NRG3: variants seen among roughly 807,000 people sequenced by gnomAD.
NRG3 encodes the protein neuregulin 3.
In NRG3, 31 loss-of-function variants were observed where a neutral mutation model predicts 66.9. That is an observed-to-expected ratio of 0.46 (90% CI 0.35 to 0.63). The LOEUF (loss-of-function observed/expected upper bound fraction) is 0.63, where lower values mean the gene tolerates loss of function less well. Among genes scored for constraint, NRG3 ranks in the 20% least tolerant of loss-of-function variants. NRG3 has a pLI of 0.00. For missense variants in NRG3, 910 were observed against 878.9 expected (o/e 1.04, Z -0.45); for synonymous variants, 393 against 359.4 (o/e 1.09, Z -1.06).
At chr10:82,723,996 AT>A (rs1370531691) in intron 2 of NRG3, among the ~76,000 whole-genome samples, 1 of 150,272 alleles carries the variant, frequency 6.7e-6, no homozygotes, top group African/African-American at 2.5e-5. Context: ...AAGTAAATAA[AT>A]AAAAAAAATT....
chr10:82,056,373 A>G (rs1415445116), intron 1 of NRG3, among the ~76,000 whole-genome samples: 5 of 152,192 alleles, frequency 3.3e-5, no homozygotes, highest in Non-Finnish European at 7.4e-5. Flanking sequence ...AAGGAATGCC[A>G]TAGGCTCACT....
chr10:82,269,877 A>C (rs1042599239), intron 1 of NRG3, among the ~76,000 whole-genome samples: 23 of 152,098 alleles, frequency 1.5e-4, no homozygotes, highest in African/African-American at 5.1e-4. Context: ...GATTTCCTGC[A>C]CAAGTCTGGA....
At chr10:82,489,224 T>C (rs1490257653) in intron 2 of NRG3, among the ~76,000 whole-genome samples, 1 of 152,220 alleles carries the variant, frequency 6.6e-6, no homozygotes, top group Non-Finnish European at 1.5e-5. Flanking sequence ...TTAATAATAC[T>C]ATTCAGTTCC....
chr10:82,342,879 C>T (rs2082757506), intron 1 of NRG3, among the ~76,000 whole-genome samples: 1 of 151,990 alleles, frequency 6.6e-6, no homozygotes, highest in Non-Finnish European at 1.5e-5. Context: ...AGGTTTTCTT[C>T]AAGGATTTTT....
At chr10:82,681,741 G>T (rs1365442046) in intron 2 of NRG3, among the ~76,000 whole-genome samples, 1 of 152,240 alleles carries the variant, frequency 6.6e-6, no homozygotes, top group Admixed American at 6.5e-5. Context: ...CTGAGTGACT[G>T]TGATGGACAT....
chr10:82,202,922 G>T (rs1297878992), intron 1 of NRG3, among the ~76,000 whole-genome samples: 1 of 152,190 alleles, frequency 6.6e-6, no homozygotes, highest in Non-Finnish European at 1.5e-5. Flanking sequence ...TAGCAAAAAA[G>T]CACATTTGTG....
chr10:82,557,450 CTT>C (rs1310631678), intron 2 of NRG3, among the ~76,000 whole-genome samples: 1 of 151,706 alleles, frequency 6.6e-6, no homozygotes, highest in Non-Finnish European at 1.5e-5. Flanking sequence ...TGAGAAGTGT[CTT>C]TTCATATCCT....
At chr10:81,917,591 C>T (rs148790016) in intron 1 of NRG3, among the ~76,000 whole-genome samples, 11 of 152,294 alleles carry the variant, frequency 7.2e-5, no homozygotes, top group African/African-American at 2.6e-4. Context: ...AACCCTTTGA[C>T]TATGGCAATA....
At chr10:82,709,686 G>A (rs974994768) in intron 2 of NRG3, among the ~76,000 whole-genome samples, 22 of 152,028 alleles carry the variant, frequency 1.4e-4, no homozygotes, top group African/African-American at 5.3e-4. Flanking sequence ...TTTTCTTTGG[G>A]ATGGATGAGC....
At chr10:82,923,961 G>C (rs1323890658) in intron 4 of NRG3, among the ~76,000 whole-genome samples, 3 of 151,846 alleles carry the variant, frequency 2.0e-5, no homozygotes, top group African/African-American at 7.3e-5. Context: ...AGCTGGGCAT[G>C]GTGGCAGGCA....
At chr10:82,765,733 A>T (rs1170141995) in intron 3 of NRG3, among the ~76,000 whole-genome samples, 1 of 152,184 alleles carries the variant, frequency 6.6e-6, no homozygotes, top group Non-Finnish European at 1.5e-5. Flanking sequence ...ATCCAAAATG[A>T]TAATAATGTG....
In NRG3 at chr10:81,877,939, T is replaced by A. The variant is rs1884280; in HGVS notation, c.823+1776T>A. 55 of 1,537,532 alleles carry A rather than the reference T, an allele frequency of 3.6e-5. 1 individual carries two copies. The South Asian group carries it at 6.3e-4, about 18-fold the overall frequency. The stretch of plus-strand genomic sequence containing the variant: ...AAGACCCCAGATTTTTGATCTGCTC[T>A]TTTGATGCAGTTGATAGAATAATGG... On this transcript the variant is annotated intron_variant, in intron 1 of 8. Transcript: ENST00000372141.
rs76508200 is a variant in NRG3, at chr10:82,120,851, A to G, written c.824-237888A>G. ...ATGCTTCCCACAGCTCCTTCTCTGC[A>G]TACGGGGAGTCTCATTACTGCCTGT... On this transcript the variant is annotated intron_variant, in intron 1 of 8. Coordinates refer to ENST00000372141, the MANE Select transcript of NRG3 (RefSeq NM_001010848.4). Among the ~76,000 whole-genome samples the G allele has an allele frequency of 4.0e-3, 610 of 152,242 alleles. 3 individuals carry two copies. The highest frequency in any genetic ancestry group is 0.014 in the African/African-American group (576 of 41,556).
intron 1 of NRG3, among the ~76,000 whole-genome samples, chr10:81,991,223 C>T (rs1264110771): frequency 6.6e-6 from 1 of 152,088 alleles, no homozygotes; most frequent in Non-Finnish European, 1.5e-5. Context: ...TCATATTTTG[C>T]TTTATCAAAT....
At chr10:82,292,409 G>A (rs1411311052) in intron 1 of NRG3, among the ~76,000 whole-genome samples, 3 of 152,008 alleles carry the variant, frequency 2.0e-5, no homozygotes, top group Non-Finnish European at 4.4e-5. Flanking sequence ...CAACCACTCT[G>A]GAAAACAGTT....
At chr10:81,892,804 A>G (rs567163168) in intron 1 of NRG3, among the ~76,000 whole-genome samples, 1 of 152,350 alleles carries the variant, frequency 6.6e-6, no homozygotes, top group South Asian at 2.1e-4. Context: ...ACATTTAAAA[A>G]TAACTAAAAG....
chr10:82,469,983 T>A (rs533509508), intron 2 of NRG3, among the ~76,000 whole-genome samples: 1 of 152,282 alleles, frequency 6.6e-6, no homozygotes, highest in South Asian at 2.1e-4. Flanking sequence ...CCTAGTCAAT[T>A]GTACAAAAAA....
At chr10:82,779,798 A>G (rs2060046821) in intron 3 of NRG3, among the ~76,000 whole-genome samples, 1 of 151,982 alleles carries the variant, frequency 6.6e-6, no homozygotes, top group South Asian at 2.1e-4. Context: ...ATAGGTATAC[A>G]TGTGCCATGG....
intron 2 of NRG3, among the ~76,000 whole-genome samples, chr10:82,620,317 G>A (rs148779577): frequency 2.1e-3 from 315 of 152,246 alleles, no homozygotes; most frequent in African/African-American, 7.2e-3. Flanking sequence ...CTTGTCCAGC[G>A]TCCAAGAAGA....
Sources: gnomAD v4.1 joint callset for allele counts (sites outside exome capture counted in the v4.1 genomes callset) on GRCh38, gnomAD v4.1.1 for gene constraint, MANE v1.5 for transcripts, NCBI Gene and HGNC (gene_info 2026-07-23, HGNC 2026-07-21) for gene names.